Variants in DNAH12 observed in about 807,000 individuals in gnomAD.
DNAH12 encodes the protein dynein axonemal heavy chain 12.
In DNAH12, 285 loss-of-function variants were observed where a neutral mutation model predicts 371.5. The ratio of observed to expected loss-of-function variants is 0.77; its 90% CI spans 0.70 to 0.85. DNAH12 has a LOEUF of 0.85. Ranked by LOEUF, DNAH12 falls within the 40% of genes least tolerant of loss-of-function variation. DNAH12 has a pLI of 0.00. For missense variants in DNAH12, 3,611 were observed against 3,689.4 expected (o/e 0.98, Z 0.55); for synonymous variants, 1,200 against 1,213.0 (o/e 0.99, Z 0.22).
chr3:57,448,554 C>A (rs192937165), intron 25 of DNAH12, among the ~76,000 whole-genome samples: 1 of 152,100 alleles, frequency 6.6e-6, no homozygotes, highest in African/African-American at 2.4e-5. Flanking sequence ...TGAGCAGTAG[C>A]AAGATTTATT....
chr3:57,384,625 C>T (rs2063465274), intron 49 of DNAH12, among the ~76,000 whole-genome samples: 3 of 152,020 alleles, frequency 2.0e-5, no homozygotes, highest in Admixed American at 2.0e-4. Context: ...GCTTGGTCAA[C>T]AAAGTGAGAC....
At chr3:57,324,727 G>A (rs1013520650) in intron 62 of DNAH12, among the ~76,000 whole-genome samples, 4 of 152,232 alleles carry the variant, frequency 2.6e-5, no homozygotes, top group Non-Finnish European at 5.9e-5. Context: ...GCGCAGGTCA[G>A]TGGGTGCAGC....
At chr3:57,369,672 T>C (rs2063129359) in intron 55 of DNAH12, among the ~76,000 whole-genome samples, 1 of 152,160 alleles carries the variant, frequency 6.6e-6, no homozygotes, top group Non-Finnish European at 1.5e-5. Context: ...AAAGTTATTT[T>C]TTCATAGAAG....
intron 69 of DNAH12, among the ~76,000 whole-genome samples, chr3:57,302,959 T>C (rs1257258467): frequency 1.3e-5 from 2 of 151,924 alleles, no homozygotes; most frequent in Non-Finnish European, 2.9e-5. Context: ...AGAAGAATAG[T>C]TAACAGATGG....
chr3:57,555,547 A>T, the DNAH12 span, among the ~76,000 whole-genome samples: 1 of 152,176 alleles, frequency 6.6e-6, no homozygotes, highest in South Asian at 2.1e-4. Flanking sequence ...CTAATAAAAA[A>T]TAACAAACAG....
At chr3:57,477,676 G>T (rs1032814245) in intron 13 of DNAH12, among the ~76,000 whole-genome samples, 3 of 152,198 alleles carry the variant, frequency 2.0e-5, no homozygotes, top group South Asian at 2.1e-4. Flanking sequence ...GCACCCCCCA[G>T]TAGGGGCAGA....
chr3:57,403,329 C>T lies in DNAH12; in HGVS notation c.6928G>A (p.Glu2310Lys). The change falls in exon 43 of 74, where the codon GAA becomes AAA. Residue 2310 changes from glutamate (E) to lysine (K), a missense_variant. Coordinates refer to ENST00000495027, the MANE Select transcript of DNAH12 (RefSeq NM_001366028.2). ...TTTACCTTCATATCCTCTCTCCATTCATTCATACCATAGCTCTTAGAAATT... is the reference window on the plus strand; with the variant it reads ...TTTACCTTCATATCCTCTCTCCATTTATTCATACCATAGCTCTTAGAAATT... ...PEISKSYGMN[E>K]WREDMKGLLR... 1.3e-6 allele frequency: 2 copies of T among 1,548,692 alleles called. No homozygotes were observed. Among genetic ancestry groups the T allele is most frequent in the Non-Finnish European group, 1.7e-6 (2 of 1,146,070 alleles).
chr3:57,454,993 G>A, intron 22 of DNAH12, 99 bp from the exon 23 acceptor site: 1 of 1,334,766 alleles, frequency 7.5e-7, no homozygotes, highest in South Asian at 1.6e-5. Context: ...CACATACATA[G>A]GCTAGAATGT....
chr3:57,541,102 T>G (rs2153403300), intron 2 of DNAH12, among the ~76,000 whole-genome samples: 1 of 150,326 alleles, frequency 6.7e-6, no homozygotes, highest in African/African-American at 2.4e-5. Context: ...TGCAGTGGTG[T>G]GATCTCAGCT....
intron 20 of DNAH12, 145 bp from the exon 21 acceptor site, chr3:57,458,365 A>C (rs767118926): frequency 8.1e-6 from 9 of 1,115,942 alleles, no homozygotes; most frequent in African/African-American, 1.6e-5. Flanking sequence ...TTGCAATGAA[A>C]TTTTTTGTAG....
chr3:57,300,742 T>C (rs1390749624), intron 70 of DNAH12, among the ~76,000 whole-genome samples: 1 of 152,164 alleles, frequency 6.6e-6, no homozygotes, highest in Non-Finnish European at 1.5e-5. Context: ...AAGAAAGCTT[T>C]TGTGCAATAA....
intron 60 of DNAH12, among the ~76,000 whole-genome samples, chr3:57,348,041 T>TATG (rs1553658733): frequency 6.6e-6 from 1 of 152,218 alleles, no homozygotes; most frequent in African/African-American, 2.4e-5. Flanking sequence ...GTTGAAAACT[T>TATG]ATGTTCTCAC....
In DNAH12 at chr3:57,410,272, A is replaced by C. The variant is rs145849082; in HGVS notation, c.6021-1737T>G. ...TTTGCTTACTTCTGGTCTCTGTGTC[A>C]CATTTTGGTAATACTTGCAATATTT... On this transcript the variant is annotated intron_variant, in intron 39 of 73. Transcript: ENST00000495027. 4.1e-3 allele frequency among the ~76,000 whole-genome samples: 627 copies of C among 152,144 alleles called. 3 individuals are homozygous for C. The highest frequency in any genetic ancestry group is 6.3e-3 in the Non-Finnish European group (431 of 67,988).
intron 67 of DNAH12, 83 bp from the exon 68 acceptor site, chr3:57,309,937 C>CCAAAGTAGCA: frequency 8.2e-7 from 1 of 1,223,508 alleles, no homozygotes; most frequent in Non-Finnish European, 1.1e-6. Flanking sequence ...CCAAAATATG[C>CCAAAGTAGCA]TACTTTGGCA....
At chr3:57,405,606 T>C (rs2063999432) in intron 41 of DNAH12, 47 bp downstream of exon 41, 1 of 1,485,764 alleles carries the variant, frequency 6.7e-7, no homozygotes, top group Admixed American at 2.3e-5. Context: ...TAACAATTCA[T>C]ATATGGTACT....
intron 20 of DNAH12, among the ~76,000 whole-genome samples, chr3:57,459,239 C>T (rs772337452): frequency 4.6e-5 from 7 of 152,134 alleles, no homozygotes; most frequent in Non-Finnish European, 7.4e-5. Context: ...CTACACTATT[C>T]ATTCTCTCTC....
chr3:57,484,231 T>C lies in DNAH12; in HGVS notation c.1515-720A>G, dbSNP rs550885764. ...TTAGTTTTATTATTATTAGTGCCTC[T>C]TGTGAAACATGACAGTACAGCAAGT... On this transcript the variant is annotated intron_variant, in intron 12 of 73. Coordinates refer to ENST00000495027, the MANE Select transcript of DNAH12 (RefSeq NM_001366028.2). 3.9e-5 allele frequency among the ~76,000 whole-genome samples: 6 copies of C among 152,132 alleles called. No homozygotes were observed. In the South Asian group the frequency reaches 1.2e-3, roughly 32 times the overall value.
At chr3:57,532,061 C>G (rs911180881) in intron 2 of DNAH12, among the ~76,000 whole-genome samples, 1 of 151,948 alleles carries the variant, frequency 6.6e-6, no homozygotes, top group Non-Finnish European at 1.5e-5. Flanking sequence ...TTTCAAATAG[C>G]CTGTCTTCAG....
chr3:57,320,392 T>G (rs968907065), intron 65 of DNAH12, among the ~76,000 whole-genome samples: 2 of 152,164 alleles, frequency 1.3e-5, no homozygotes, highest in Admixed American at 1.3e-4. Context: ...ATAAAGTGAG[T>G]ACAGCAGGCA....
Sources: gnomAD v4.1 joint callset for allele counts (sites outside exome capture counted in the v4.1 genomes callset) on GRCh38, gnomAD v4.1.1 for gene constraint, MANE v1.5 for transcripts, NCBI Gene and HGNC (gene_info 2026-07-23, HGNC 2026-07-21) for gene names.